Variants in DNAH2 observed in about 807,000 individuals in gnomAD.
DNAH2 encodes the protein axonemal beta dynein heavy chain 2.
A neutral mutation model predicts 523.5 loss-of-function variants in DNAH2; 323 were observed. The ratio of observed to expected loss-of-function variants is 0.62; its 90% CI spans 0.56 to 0.68. The LOEUF (loss-of-function observed/expected upper bound fraction) is 0.68. DNAH2 is among the 30% of genes least tolerant of loss of function. The probability of loss-of-function intolerance (pLI) is 0.00; values close to 1 mark genes in which losing one functional copy is unlikely to be tolerated. For synonymous variants in DNAH2, 2,093 were observed against 2,177.4 expected (o/e 0.96, Z 1.08); for missense variants, 4,907 against 5,701.5 (o/e 0.86, Z 4.49).
rs2075902190 is a variant in DNAH2, at chr17:7,758,347, A to T, written c.2052-148A>T. The T allele has an allele frequency of 5.7e-6, 6 of 1,044,400 alleles. No individual in the cohort carries two copies. In the East Asian group the frequency reaches 1.5e-4, roughly 26 times the overall value. 64.7% of individuals were successfully genotyped at this position (1,044,400 alleles called of 1,614,324 possible). On this transcript the variant is annotated intron_variant, in intron 13 of 85. Transcript: ENST00000572933. ...AAGAGAACACTTCCATCATTGCAAA[A>T]AGTTCTTTTGGAAGTACTAGTCTAG...
chr17:7,790,714 ATT>A (rs56133367), intron 44 of DNAH2, among the ~76,000 whole-genome samples: 26 of 147,634 alleles, frequency 1.8e-4, no homozygotes, highest in East Asian at 4.0e-4. Flanking sequence ...CTCTTTTTTA[ATT>A]TTTTTTTTTT....
intron 85 of DNAH2, 42 bp downstream of exon 85, chr17:7,833,263 A>C (rs1406505789): frequency 1.2e-6 from 2 of 1,606,708 alleles, no homozygotes; most frequent in African/African-American, 1.3e-5. Context: ...CCCCGTCCCT[A>C]GTTTGGAACT....
chr17:7,787,851 T>TATCCTTAGG lies in DNAH2; in HGVS notation c.6604-8_6604dup. On this transcript the variant is annotated splice_polypyrimidine_tract_variant and intron_variant, in intron 42 of 85. Transcript: ENST00000572933. ...GAAAGATGAAGTTCTGACAAACGTA[T>TATCCTTAGG]ATCCTTAGGTGTCTCTCCTGTTTGA... 2 of 1,605,952 alleles carry TATCCTTAGG rather than the reference T, an allele frequency of 1.2e-6. No individual in the cohort carries two copies. Among genetic ancestry groups the TATCCTTAGG allele is most frequent in the Non-Finnish European group, 1.7e-6 (2 of 1,175,568 alleles).
chr17:7,770,118 A>G (rs1597600592), intron 24 of DNAH2, 134 bp from the exon 25 acceptor site: 5 of 1,228,198 alleles, frequency 4.1e-6, no homozygotes, highest in East Asian at 5.1e-5. Context: ...CTAAGATTGC[A>G]TCTTCGAGCC....
intron 58 of DNAH2, among the ~76,000 whole-genome samples, chr17:7,803,791 AT>A (rs1404631780): frequency 6.7e-6 from 1 of 149,500 alleles, no homozygotes; most frequent in African/African-American, 2.5e-5. Flanking sequence ...CCTGGGCAAA[AT>A]AACAAGACGC....
Position 7,831,327 on chromosome 17 carries a change from G to A in DNAH2, c.12459+13G>A, listed in dbSNP as rs750917175. 2.1e-5 allele frequency: 34 copies of A among 1,613,914 alleles called. No homozygotes were observed. The highest frequency in any genetic ancestry group is 1.7e-4 in the Middle Eastern group (1 of 6,056). Reference sequence around the variant, plus strand: ...CCGGGAAGAGAAGGTAAAAAGAGCCGGGCCTGGGGGAGGGAAAGTGATGAG... The same window carrying A: ...CCGGGAAGAGAAGGTAAAAAGAGCCAGGCCTGGGGGAGGGAAAGTGATGAG... On this transcript the variant is annotated intron_variant, in intron 80 of 85. Transcript: ENST00000572933. This position sits in a 1 kb window ranked among gnomAD's most constrained non-coding sequence, Gnocchi z 4.2.
At position 7,807,346 on chromosome 17, in the gene DNAH2, C is replaced by A. The variant is rs762270654; in HGVS notation, c.9612+27C>A. On this transcript the variant is annotated intron_variant, in intron 62 of 85. Transcript: ENST00000572933. The surrounding 1 kb of genome is among the most constrained non-coding windows in gnomAD (Gnocchi z 5.6). ...TAAAGGCGTCAGGGCTGGGGCGGGG[C>A]GGTAGGGAGGGCAGGCCTGGGGGAG... 1.3e-6 allele frequency: 2 copies of A among 1,568,756 alleles called. No individual in the cohort carries two copies. The highest frequency in any genetic ancestry group is 1.7e-6 in the Non-Finnish European group (2 of 1,154,922).
intron 4 of DNAH2, among the ~76,000 whole-genome samples, chr17:7,728,619 G>A (rs1037005957): frequency 3.3e-5 from 5 of 152,164 alleles, no homozygotes; most frequent in African/African-American, 9.7e-5. Context: ...GTTGCAGGCC[G>A]TGAAAAACGA....
intron 5 of DNAH2, 88 bp downstream of exon 5, chr17:7,733,403 C>T (rs1290160365): frequency 7.8e-7 from 1 of 1,275,658 alleles, no homozygotes; most frequent in African/African-American, 1.5e-5. Flanking sequence ...GTCTGAGCAC[C>T]TGTGTGGAGG....
rs138112832 is a variant in DNAH2 at position 7,789,269 on chromosome 17, C to T, written c.6900+1025C>T. Among the ~76,000 whole-genome samples, 1,116 of 152,302 alleles carry T rather than the reference C, an allele frequency of 7.3e-3. 13 individuals carry two copies. The highest frequency in any genetic ancestry group is 0.025 in the African/African-American group (1,025 of 41,562). On this transcript the variant is annotated intron_variant, in intron 44 of 85. Transcript: ENST00000572933. Reference sequence around the variant, plus strand: ...AATGGCCCACAGATGTCAAGAAGGACGGGCTGGGTAGGGGAGGCTTCCCGG... The same window carrying T: ...AATGGCCCACAGATGTCAAGAAGGATGGGCTGGGTAGGGGAGGCTTCCCGG...
At chr17:7,749,531 C>T (rs1244837170) in intron 12 of DNAH2, among the ~76,000 whole-genome samples, 1 of 151,890 alleles carries the variant, frequency 6.6e-6, no homozygotes, top group Non-Finnish European at 1.5e-5. Flanking sequence ...TGTATCTATT[C>T]ACACACTTCC....
intron 12 of DNAH2, among the ~76,000 whole-genome samples, chr17:7,745,534 G>T (rs1209893492): frequency 6.6e-6 from 1 of 152,168 alleles, no homozygotes. Context: ...AATGCCATAT[G>T]TGGCTGGCGC....
chr17:7,792,983 C>T lies in DNAH2; in HGVS notation c.7347C>T (p.Thr2449=). 1 of 1,607,984 alleles carries T rather than the reference C, an allele frequency of 6.2e-7. No homozygotes were observed. Residue 2449 remains threonine (T), a splice_region_variant and synonymous_variant, in exon 48 of 86, where the codon ACC becomes ACT. Transcript: ENST00000572933. ...SVLVVNMSAQ[T]TSNNVQSIIE... The stretch of plus-strand genomic sequence containing the variant: ...TTCATTCGGTACCTTTTCACCAGAC[C>T]ACATCCAATAACGTGCAGAGCATCA...
chr17:7,727,364 C>T (rs1335785516), intron 4 of DNAH2, 72 bp downstream of exon 4: 5 of 1,545,330 alleles, frequency 3.2e-6, no homozygotes, highest in Non-Finnish European at 4.3e-6. Context: ...CTTCATCATC[C>T]TTAAGTCTTG....
Position 7,778,254 on chromosome 17 carries a change from A to T in DNAH2, c.5352-26A>T, listed in dbSNP as rs1295623185. 4 of 1,613,552 alleles carry T rather than the reference A, an allele frequency of 2.5e-6. No homozygotes were observed. In the African/African-American group the frequency reaches 4.0e-5, roughly 16 times the overall value. On this transcript the variant is annotated intron_variant, in intron 34 of 85. Coordinates refer to ENST00000572933, the MANE Select transcript of DNAH2 (RefSeq NM_020877.5). Reference sequence around the variant, plus strand: ...GCTGAGAGAGGCTTCCAGGAGTCTGACTCTAGTTCTGTCCTCAATTCTCAG... The same window carrying T: ...GCTGAGAGAGGCTTCCAGGAGTCTGTCTCTAGTTCTGTCCTCAATTCTCAG...
In DNAH2 at chr17:7,833,408, C is replaced by T; in HGVS notation, c.13159C>T (p.Pro4387Ser). Residue 4387 changes from proline (P) to serine (S), a missense_variant, in exon 86 of 86, where the codon CCC (proline) becomes TCC (serine). Pro to Ser is a moderately conservative substitution (Grantham distance 74). This residue lies in a region of DNAH2 where 1,851 missense variants were observed against 2,139.4 expected (regional missense o/e 0.87). Transcript: ENST00000572933. ...GTACTCCTGCCCCTGCTATTACTAT[C>T]CCAACCGGGCAGGCAGCTCAGACCG... Reference protein sequence around the residue: ...GMYSCPCYYYPNRAGSSDRAS... With the variant: ...GMYSCPCYYYSNRAGSSDRAS... 6.2e-7 allele frequency: 1 copy of T among 1,614,212 alleles called. No homozygotes were observed. The highest frequency in any genetic ancestry group is 8.5e-7 in the Non-Finnish European group (1 of 1,180,044).
chr17:7,832,528 G>C lies in DNAH2; in HGVS notation c.12727-51G>C. On this transcript the variant is annotated intron_variant, in intron 82 of 85. Transcript: ENST00000572933. The surrounding 1 kb of genome is among the most constrained non-coding windows in gnomAD (Gnocchi z 4.3). Reference sequence around the variant, plus strand: ...CTGTCTCTAAATAAATAAATAATACGGATTTGAATGCACGGCTAAATGAGT... The same window carrying C: ...CTGTCTCTAAATAAATAAATAATACCGATTTGAATGCACGGCTAAATGAGT... 6.3e-7 allele frequency: 1 copy of C among 1,583,430 alleles called. No homozygotes were observed. Among genetic ancestry groups the C allele is most frequent in the Non-Finnish European group, 8.6e-7 (1 of 1,160,824 alleles).
In DNAH2 at chr17:7,766,497, AGGACCCTGT is replaced by A; in HGVS notation, c.3675+19_3675+27del. The A allele has an allele frequency of 6.2e-7, 1 of 1,613,044 alleles. No homozygotes were observed. Among genetic ancestry groups the A allele is most frequent in the South Asian group, 1.1e-5 (1 of 91,004 alleles). On this transcript the variant is annotated intron_variant, in intron 22 of 85. Coordinates refer to ENST00000572933, the MANE Select transcript of DNAH2 (RefSeq NM_020877.5). ...CCTGGAGAAGGTGGTGTGCTGAGCA[AGGACCCTGT>A]GGTCACTGTCGATAAGGGGCAGGGA... is the stretch of plus-strand genomic sequence containing the variant.
intron 84 of DNAH2, 57 bp from the exon 85 acceptor site, chr17:7,833,013 CA>C: frequency 1.2e-6 from 2 of 1,613,132 alleles, no homozygotes; most frequent in Non-Finnish European, 8.5e-7. Flanking sequence ...GGGAGCAGGT[CA>C]GGGGCGCTGG....
Sources: allele counts gnomAD v4.1 joint callset (sites outside exome capture counted in the v4.1 genomes callset), GRCh38; gene constraint gnomAD v4.1.1; regional missense constraint gnomAD v4.1.1; non-coding constraint Gnocchi (gnomAD v3.1); transcripts MANE v1.5; gene names NCBI Gene and HGNC (gene_info 2026-07-23, HGNC 2026-07-21).